Variants in WASHC2C observed in about 807,000 individuals in gnomAD.
The protein encoded by WASHC2C is WASH complex subunit 2C, also known as Vaccinia Penetration Factor.
Under a neutral mutation model 142.2 loss-of-function variants are expected in WASHC2C, and 73 were observed. The ratio of observed to expected loss-of-function variants is 0.51; its 90% CI spans 0.43 to 0.62. The LOEUF is 0.62. WASHC2C is among the 20% of genes least tolerant of loss of function. The probability of loss-of-function intolerance (pLI) is 0.00; values close to 1 mark genes in which losing one functional copy is unlikely to be tolerated. For missense variants in WASHC2C, 969 were observed against 1,531.7 expected, an observed-to-expected ratio of 0.63 and a Z score of 6.13; for synonymous variants, 337 against 565.5, an observed-to-expected ratio of 0.60 and a Z score of 5.73.
intron 17 of WASHC2C, among the ~76,000 whole-genome samples, chr10:45,762,795 A>G (rs1554880527): frequency 6.6e-6 from 1 of 152,070 alleles, no homozygotes; most frequent in Non-Finnish European, 1.5e-5. Flanking sequence ...AGTCTCAGCT[A>G]CTCAGGAGGC....
intron 11 of WASHC2C, among the ~76,000 whole-genome samples, chr10:45,752,260 T>C (rs11488756): frequency 0.015 from 2,291 of 152,326 alleles, 1 homozygote; most frequent in African/African-American, 0.051. Context: ...TTCCCCCAGA[T>C]TGGTTGGGGA....
At chr10:45,734,182 G>A (rs1341819081) in intron 3 of WASHC2C, among the ~76,000 whole-genome samples, 9 of 152,068 alleles carry the variant, frequency 5.9e-5, no homozygotes, top group Non-Finnish European at 1.2e-4. Context: ...CCGAGATCCC[G>A]CCACTGCACT....
chr10:45,744,122 G>A (rs376148007), intron 6 of WASHC2C, among the ~76,000 whole-genome samples: 2 of 150,940 alleles, frequency 1.3e-5, no homozygotes, highest in African/African-American at 2.4e-5. Flanking sequence ...GCAATGGTGC[G>A]ATCTTGGCTC....
intron 3 of WASHC2C, among the ~76,000 whole-genome samples, chr10:45,731,983 A>G (rs58368182): frequency 0.032 from 4,891 of 151,826 alleles, 233 homozygotes; most frequent in African/African-American, 0.11. Context: ...TTTTTAGTAG[A>G]GATGGGGTTT....
intron 21 of WASHC2C, among the ~76,000 whole-genome samples, chr10:45,775,680 A>ATTTTTTTT (rs569006368): frequency 4.5e-5 from 6 of 132,990 alleles, no homozygotes; most frequent in Admixed American, 7.6e-5. Context: ...TTTGCATTGA[A>ATTTTTTTT]TTTTTTTTTT....
chr10:45,740,546 C>A (rs1554867313), intron 5 of WASHC2C, among the ~76,000 whole-genome samples: 2 of 152,192 alleles, frequency 1.3e-5, no homozygotes, highest in African/African-American at 2.4e-5. Flanking sequence ...ATTGTAAATG[C>A]CCTGAGAGAG....
intron 5 of WASHC2C, among the ~76,000 whole-genome samples, chr10:45,742,431 T>G (rs2052208037): frequency 1.3e-5 from 2 of 151,906 alleles, no homozygotes; most frequent in African/African-American, 4.8e-5. Flanking sequence ...TCTCCTGTCT[T>G]AGTCTCCTGA....
intron 17 of WASHC2C, among the ~76,000 whole-genome samples, chr10:45,760,867 G>A (rs560095916): frequency 6.7e-6 from 1 of 150,348 alleles, no homozygotes; most frequent in Non-Finnish European, 1.5e-5. Flanking sequence ...TACGTGCCAT[G>A]AGGGCAGGAC....
intron 6 of WASHC2C, 144 bp from the exon 7 acceptor site, chr10:45,744,674 CATA>C (rs2052590810): frequency 1.7e-6 from 1 of 590,146 alleles, no homozygotes; most frequent in Non-Finnish European, 3.1e-6. Flanking sequence ...AATTCCTCAC[CATA>C]ATGACACTTT....
chr10:45,742,046 C>T (rs1165302182), intron 5 of WASHC2C, among the ~76,000 whole-genome samples: 1 of 151,266 alleles, frequency 6.6e-6, no homozygotes, highest in South Asian at 2.1e-4. Context: ...CCGCCCGCCT[C>T]GGCCTCCCAA....
upstream of WASHC2C, chr10:45,727,262 C>G (rs2049949345): frequency 1.4e-5 from 22 of 1,539,842 alleles, 1 homozygote; most frequent in South Asian, 2.2e-4. Flanking sequence ...TTCCGGGGCT[C>G]TGCGGTCCTC....
At chr10:45,741,496 T>C (rs1232504581) in intron 5 of WASHC2C, among the ~76,000 whole-genome samples, 6 of 151,886 alleles carry the variant, frequency 4.0e-5, no homozygotes, top group African/African-American at 1.5e-4. Context: ...GTTGTGGAGG[T>C]ACACTTTTCT....
intron 7 of WASHC2C, among the ~76,000 whole-genome samples, chr10:45,745,417 A>G (rs1488066281): frequency 9.9e-4 from 150 of 152,128 alleles, no homozygotes; most frequent in African/African-American, 3.4e-3. Context: ...TTGAATCTGT[A>G]GTTGTTCTTT....
intron 7 of WASHC2C, 65 bp downstream of exon 7, chr10:45,744,947 A>G (rs2134395851): frequency 2.0e-6 from 1 of 488,526 alleles, no homozygotes; most frequent in African/African-American, 2.4e-5. Context: ...TGGGCCTAGC[A>G]GGCTAAGTAA....
intron 19 of WASHC2C, among the ~76,000 whole-genome samples, chr10:45,766,710 C>T (rs868937613): frequency 0.047 from 6,946 of 147,292 alleles, 66 homozygotes; most frequent in African/African-American, 0.084. Context: ...ATAGATACTA[C>T]CAAATCAGTT....
intron 28 of WASHC2C, 141 bp from the exon 29 acceptor site, chr10:45,788,730 C>T (rs2058225185): frequency 1.5e-6 from 2 of 1,339,022 alleles, no homozygotes; most frequent in East Asian, 4.7e-5. Flanking sequence ...AAGAAATAAC[C>T]TCTTCTATGT....
intron 17 of WASHC2C, 42 bp from the exon 18 acceptor site, chr10:45,763,346 T>C (rs1390772338): frequency 6.4e-6 from 4 of 624,078 alleles, no homozygotes; most frequent in Non-Finnish European, 1.2e-5. Context: ...TTTTAAAAAC[T>C]GATATTCCTG....
At chr10:45,784,250 GTGTATATATATA>G (rs1292847736) in intron 23 of WASHC2C, among the ~76,000 whole-genome samples, 37 of 22,550 alleles carry the variant, frequency 1.6e-3, no homozygotes, top group African/African-American at 4.1e-3. Context: ...ATGTGTGTGT[GTGTATATATATA>G]TATATATATA....
intron 16 of WASHC2C, 32 bp downstream of exon 16, chr10:45,757,171 A>G (rs782761474): frequency 5.6e-6 from 9 of 1,610,910 alleles, no homozygotes; most frequent in Non-Finnish European, 6.8e-6. Flanking sequence ...ACGCAGGAGC[A>G]TTGATCTGCA....
Sources: allele counts gnomAD v4.1 joint callset (sites outside exome capture counted in the v4.1 genomes callset), GRCh38; gene constraint gnomAD v4.1.1; transcripts MANE v1.5; gene names NCBI Gene and HGNC (gene_info 2026-07-23, HGNC 2026-07-21).